The following CFAP299 variants were observed in gnomAD, a reference collection of about 807,000 sequenced individuals.
The protein encoded by CFAP299 is cilia and flagella associated protein 299.
CFAP299 carries 21 observed loss-of-function variants against 27.0 expected under a neutral mutation model. That is an observed-to-expected ratio of 0.78 (90% CI 0.55 to 1.12). CFAP299 has a LOEUF of 1.12. Ranked by LOEUF, CFAP299 falls within the 50% of genes most tolerant of loss-of-function variation. The probability of loss-of-function intolerance (pLI) is 0.00; values close to 1 mark genes in which losing one functional copy is unlikely to be tolerated. For synonymous variants in CFAP299, 104 were observed against 98.1 expected, an observed-to-expected ratio of 1.06 and a Z score of -0.36; for missense variants, 310 against 276.6, an observed-to-expected ratio of 1.12 and a Z score of -0.86.
intron 2 of CFAP299, among the ~76,000 whole-genome samples, chr4:80,392,500 T>C (rs1725539368): frequency 6.6e-6 from 1 of 152,152 alleles, no homozygotes; most frequent in Non-Finnish European, 1.5e-5. Flanking sequence ...TCCATGCTGT[T>C]CTCATGATAG....
At chr4:80,422,792 T>C (rs1364780800) in intron 2 of CFAP299, among the ~76,000 whole-genome samples, 1 of 152,158 alleles carries the variant, frequency 6.6e-6, no homozygotes. Context: ...AAAAGTTTCT[T>C]TACATTAAAA....
At chr4:80,510,184 T>A (rs952917134) in intron 2 of CFAP299, among the ~76,000 whole-genome samples, 28 of 152,164 alleles carry the variant, frequency 1.8e-4, no homozygotes, top group African/African-American at 6.5e-4. Context: ...TTATGCTTTT[T>A]AAAAAATATG....
At chr4:80,952,431 A>G (rs1264137780) in intron 5 of CFAP299, among the ~76,000 whole-genome samples, 1 of 152,172 alleles carries the variant, frequency 6.6e-6, no homozygotes, top group Non-Finnish European at 1.5e-5. Flanking sequence ...AGGTGGATAA[A>G]TGAATTATCA....
intron 3 of CFAP299, among the ~76,000 whole-genome samples, chr4:80,589,769 G>T (rs1424233884): frequency 6.6e-6 from 1 of 152,130 alleles, no homozygotes; most frequent in Non-Finnish European, 1.5e-5. Context: ...CCACGAGGTC[G>T]ACAAAAATTT....
At chr4:80,388,677 T>G in intron 2 of CFAP299, 1 of 1,021,768 alleles carries the variant, frequency 9.8e-7, no homozygotes, top group Admixed American at 1.7e-5. Context: ...ATGGTCTGGT[T>G]GTCCATTCCC....
At chr4:80,569,874 A>T (rs1735498787) in intron 2 of CFAP299, among the ~76,000 whole-genome samples, 2 of 152,068 alleles carry the variant, frequency 1.3e-5, no homozygotes, top group South Asian at 4.1e-4. Context: ...TATCATAAAG[A>T]TGTTTATTCT....
At chr4:80,527,443 C>T (rs972112060) in intron 2 of CFAP299, among the ~76,000 whole-genome samples, 1 of 152,114 alleles carries the variant, frequency 6.6e-6, no homozygotes, top group South Asian at 2.1e-4. Context: ...GAGGATGGGA[C>T]CTTATTAATC....
intron 4 of CFAP299, among the ~76,000 whole-genome samples, chr4:80,915,220 T>A (rs1735684448): frequency 6.6e-6 from 1 of 152,040 alleles, no homozygotes; most frequent in African/African-American, 2.4e-5. Context: ...GTAAAATTTT[T>A]ATTTCAGTTT....
chr4:80,635,159 G>A (rs1234513938), intron 3 of CFAP299, among the ~76,000 whole-genome samples: 1 of 151,992 alleles, frequency 6.6e-6, no homozygotes, highest in East Asian at 1.9e-4. Flanking sequence ...AAATTATAAG[G>A]TAGAAATGAA....
intron 3 of CFAP299, among the ~76,000 whole-genome samples, chr4:80,836,834 G>T (rs562741884): frequency 6.6e-6 from 1 of 151,692 alleles, no homozygotes. Context: ...ATTATTCTTA[G>T]AAAACAAACG....
At chr4:80,848,762 C>A (rs995420712) in intron 3 of CFAP299, among the ~76,000 whole-genome samples, 3 of 151,894 alleles carry the variant, frequency 2.0e-5, no homozygotes, top group African/African-American at 7.3e-5. Flanking sequence ...GGTGACAGAG[C>A]AATACCCTGT....
At chr4:80,354,200 C>T (rs1723149697) in intron 1 of CFAP299, among the ~76,000 whole-genome samples, 1 of 152,092 alleles carries the variant, frequency 6.6e-6, no homozygotes, top group South Asian at 2.1e-4. Flanking sequence ...CAAAGCAATA[C>T]AAATCAAATT....
At chr4:80,673,683 A>G (rs1719179341) in intron 3 of CFAP299, among the ~76,000 whole-genome samples, 1 of 152,132 alleles carries the variant, frequency 6.6e-6, no homozygotes, top group Non-Finnish European at 1.5e-5. Flanking sequence ...GACTTGCTTT[A>G]TGAATCTTGA....
chr4:80,840,609 T>C (rs1184862905), intron 3 of CFAP299, among the ~76,000 whole-genome samples: 1 of 152,168 alleles, frequency 6.6e-6, no homozygotes, highest in Non-Finnish European at 1.5e-5. Context: ...GCAGTTCTTT[T>C]TATCTGCTTA....
chr4:80,760,436 A>G (rs1339534086), intron 3 of CFAP299, among the ~76,000 whole-genome samples: 2 of 152,184 alleles, frequency 1.3e-5, no homozygotes, highest in African/African-American at 4.8e-5. Flanking sequence ...ACCATATGTA[A>G]CCATAATAAC....
chr4:80,570,714 G>A (rs1000857466), intron 2 of CFAP299, among the ~76,000 whole-genome samples: 1 of 152,110 alleles, frequency 6.6e-6, no homozygotes, highest in East Asian at 1.9e-4. Flanking sequence ...ATTAACAAAT[G>A]TGCTATTACA....
chr4:80,639,427 C>T (rs544659638), intron 3 of CFAP299, among the ~76,000 whole-genome samples: 4 of 152,160 alleles, frequency 2.6e-5, no homozygotes, highest in East Asian at 1.9e-4. Flanking sequence ...AAATTCACAG[C>T]GGGACTAGCT....
chr4:80,936,960 G>T lies in CFAP299; in HGVS notation c.477-7850G>T, dbSNP rs980711911. Among the ~76,000 whole-genome samples, 3 of 151,828 alleles carry T rather than the reference G, an allele frequency of 2.0e-5. No homozygotes were observed. In the South Asian group the frequency reaches 6.2e-4, roughly 32 times the overall value. ...ATCTATAATGTCCTTTATCTGTTAG[G>T]TCCCTTTGTACTATAGTGTTCTTCA... On this transcript the variant is annotated intron_variant, in intron 4 of 5. Transcript: ENST00000358105.
intron 1 of CFAP299, among the ~76,000 whole-genome samples, chr4:80,337,851 ATAAT>A (rs1364433950): frequency 1.3e-5 from 2 of 152,184 alleles, no homozygotes; most frequent in Non-Finnish European, 2.9e-5. Context: ...TTGAATAATG[ATAAT>A]TAGACAGGTA....
Sources: gnomAD v4.1 joint callset for allele counts (sites outside exome capture counted in the v4.1 genomes callset) on GRCh38, gnomAD v4.1.1 for gene constraint, MANE v1.5 for transcripts, NCBI Gene and HGNC (gene_info 2026-07-23, HGNC 2026-07-21) for gene names.